SCMH1: variants seen among roughly 807,000 people sequenced by gnomAD.
SCMH1 encodes the protein polycomb protein SCMH1.
In SCMH1, 37 loss-of-function variants were observed where a neutral mutation model predicts 70.8. The ratio of observed to expected loss-of-function variants is 0.52; its 90% confidence interval spans 0.40 to 0.69. The LOEUF (loss-of-function observed/expected upper bound fraction) is 0.69, where lower values mean the gene tolerates loss of function less well. Among genes scored for constraint, SCMH1 ranks in the 30% least tolerant of loss-of-function variants. SCMH1 has a pLI of 0.00. For synonymous variants in SCMH1, 292 were observed against 307.4 expected, an observed-to-expected ratio of 0.95 and a Z score of 0.52; for missense variants, 607 against 827.3, an observed-to-expected ratio of 0.73 and a Z score of 3.27.
intron 8 of SCMH1, among the ~76,000 whole-genome samples, chr1:41,077,834 C>A (rs1658802834): frequency 6.6e-6 from 1 of 152,108 alleles, no homozygotes; most frequent in Non-Finnish European, 1.5e-5. Flanking sequence ...CTCAATAGTT[C>A]TTTTAATATA....
chr1:41,236,491 G>A (rs1405978891), intron 1 of SCMH1, among the ~76,000 whole-genome samples: 2 of 152,184 alleles, frequency 1.3e-5, no homozygotes, highest in African/African-American at 4.8e-5. Context: ...AGGGCTGGAA[G>A]AGAGTAAAAG....
chr1:41,224,038 T>G (rs1278733120), intron 1 of SCMH1, among the ~76,000 whole-genome samples: 2 of 152,144 alleles, frequency 1.3e-5, no homozygotes, highest in Admixed American at 6.5e-5. Context: ...TACACAGCAG[T>G]AATAAACGAT....
chr1:41,155,984 C>CAAAAAAAAAAAA lies in SCMH1; in HGVS notation c.107-4312_107-4301dup, dbSNP rs386366781. On this transcript the variant is annotated intron_variant, in intron 4 of 14. Transcript: ENST00000337495. ...TAGGTGACAGAGTAAGACTCCGTCT[C>CAAAAAAAAAAAA]AAAAAAAAAAAAAAAAAAAAAAAGC... Among the ~76,000 whole-genome samples, 34 of 74,622 alleles carry CAAAAAAAAAAAA rather than the reference C, an allele frequency of 4.6e-4. 1 individual carries two copies. Among genetic ancestry groups the CAAAAAAAAAAAA allele is most frequent in the African/African-American group, 2.1e-3 (34 of 16,490 alleles). 49.0% of individuals were successfully genotyped at this position (74,622 alleles called of 152,430 possible).
At position 41,152,531 on chromosome 1, in the gene SCMH1, A is replaced by G. The variant is rs183407107; in HGVS notation, c.107-847T>C. 55 of 1,521,094 alleles carry G rather than the reference A, an allele frequency of 3.6e-5. No homozygotes were observed. In the East Asian group the frequency reaches 8.1e-4, roughly 22 times the overall value. 94.2% of individuals were successfully genotyped at this position (1,521,094 alleles called of 1,614,324 possible). A position where few individuals can be genotyped will look rare whatever the true frequency, so the allele number is the denominator to read the frequency against. On this transcript the variant is annotated intron_variant, in intron 4 of 14. Coordinates refer to ENST00000337495, the Ensembl canonical transcript of SCMH1. Reference sequence around the variant, plus strand: ...GAACATTTGATACAGACCTCATTGGATCACTAAAGATTATCAAGTTCTTTA... The same window carrying G: ...GAACATTTGATACAGACCTCATTGGGTCACTAAAGATTATCAAGTTCTTTA...
At chr1:41,150,600 A>C (rs1295791839) in intron 5 of SCMH1, among the ~76,000 whole-genome samples, 1 of 152,156 alleles carries the variant, frequency 6.6e-6, no homozygotes. Context: ...TTTTATTTCA[A>C]ATGAGCAGAA....
In SCMH1 at chr1:41,113,480, A is replaced by G; in HGVS notation, c.548T>C (p.Leu183Pro). Reference sequence around the variant, plus strand: ...AGGGTTCTTCCTGTCCACAGCTTCTAGCTTCATTCCCATTTTGAAGAAGTT... The same window carrying G: ...AGGGTTCTTCCTGTCCACAGCTTCTGGCTTCATTCCCATTTTGAAGAAGTT... The change falls in exon 8 of 15, where the codon CTA becomes CCA. Residue 183 changes from leucine (L) to proline (P), a missense_variant. By Grantham distance (98) the Leu-to-Pro change is moderately conservative (BLOSUM62 -3). This residue lies in a region of SCMH1 where 105 missense variants were observed against 214.5 expected (regional missense o/e 0.49). Coordinates refer to ENST00000337495, the Ensembl canonical transcript of SCMH1. The surrounding 1 kb of genome is among the most constrained non-coding windows in gnomAD (Gnocchi z 4.3). 6.2e-7 allele frequency: 1 copy of G among 1,614,080 alleles called. No individual in the cohort carries two copies. The highest frequency in any genetic ancestry group is 2.2e-5 in the East Asian group (1 of 44,876).
chr1:41,189,296 C>T (rs111308007), intron 1 of SCMH1, among the ~76,000 whole-genome samples: 1 of 152,122 alleles, frequency 6.6e-6, no homozygotes, highest in African/African-American at 2.4e-5. Flanking sequence ...ATGAGAGGTG[C>T]CTGTCACCAA....
chr1:41,080,109 T>C (rs1316106292), intron 8 of SCMH1, among the ~76,000 whole-genome samples: 1 of 151,996 alleles, frequency 6.6e-6, no homozygotes, highest in Non-Finnish European at 1.5e-5. Context: ...TGTTTGTTTG[T>C]TCCATTATTT....
At position 41,224,953 on chromosome 1, in the gene SCMH1, A is replaced by G. The variant is rs1460724676; in HGVS notation, c.-118+17106T>C. On this transcript the variant is annotated intron_variant, in intron 1 of 14. Transcript: ENST00000337495. The stretch of plus-strand genomic sequence containing the variant: ...ATTTAGGATTAGAATATCTTGGTCA[A>G]ATGACCCTAAATCTTATACTTTTTC... Among the ~76,000 whole-genome samples the G allele has an allele frequency of 2.0e-5, 3 of 152,196 alleles. No homozygotes were observed. The East Asian group carries it at 5.8e-4, about 29-fold the overall frequency.
intron 1 of SCMH1, among the ~76,000 whole-genome samples, chr1:41,227,673 C>T (rs1397597904): frequency 4.6e-5 from 7 of 152,240 alleles, no homozygotes; most frequent in African/African-American, 1.7e-4. Context: ...TTTACCAAGA[C>T]AGTTATAGGT....
Position 41,089,713 on chromosome 1 carries a change from T to C in SCMH1, c.746-14262A>G, listed in dbSNP as rs538599137. 4.6e-4 allele frequency among the ~76,000 whole-genome samples: 70 copies of C among 151,742 alleles called. 1 individual carries two copies. The highest frequency in any genetic ancestry group is 5.0e-4 in the Non-Finnish European group (34 of 67,888). On this transcript the variant is annotated intron_variant, in intron 8 of 14. Coordinates refer to ENST00000337495, the Ensembl canonical transcript of SCMH1. ...TGCTGAACTTTGGAGCCCTATATGATCTGATTCCTCATTATTTTTCTGACC... is the reference window on the plus strand; with the variant it reads ...TGCTGAACTTTGGAGCCCTATATGACCTGATTCCTCATTATTTTTCTGACC...
intron 8 of SCMH1, among the ~76,000 whole-genome samples, chr1:41,088,471 T>C (rs1171329457): frequency 2.0e-5 from 3 of 152,238 alleles, no homozygotes; most frequent in East Asian, 3.9e-4. Context: ...AACTCAACTA[T>C]ATTTTATTTT....
At chr1:41,091,737 A>G (rs1027862590) in intron 8 of SCMH1, among the ~76,000 whole-genome samples, 77 of 152,346 alleles carry the variant, frequency 5.1e-4, no homozygotes, top group African/African-American at 1.8e-3. Context: ...ACAGACAAAC[A>G]GAGAGCCAAA....
intron 8 of SCMH1, among the ~76,000 whole-genome samples, chr1:41,088,109 A>G (rs1662285661): frequency 6.6e-6 from 1 of 152,146 alleles, no homozygotes; most frequent in African/African-American, 2.4e-5. Context: ...AGTGACTCCC[A>G]GGGTATACTG....
intron 1 of SCMH1, among the ~76,000 whole-genome samples, chr1:41,238,799 C>A (rs1662904936): frequency 1.3e-5 from 2 of 152,088 alleles, no homozygotes; most frequent in South Asian, 4.2e-4. Context: ...GACCACACCT[C>A]TTTTTTTTCT....
intron 6 of SCMH1, among the ~76,000 whole-genome samples, chr1:41,119,755 G>A (rs1671465706): frequency 6.6e-6 from 1 of 152,138 alleles, no homozygotes; most frequent in African/African-American, 2.4e-5. Flanking sequence ...ATGGGATGGA[G>A]ACACATAATA....
At chr1:41,046,297 T>G (rs1470641483) in intron 12 of SCMH1, 110 bp downstream of exon 12, 1 of 846,848 alleles carries the variant, frequency 1.2e-6, no homozygotes, top group East Asian at 2.6e-5. Flanking sequence ...AGCAGACCTC[T>G]AGATAGTAGG....
intron 11 of SCMH1, among the ~76,000 whole-genome samples, chr1:41,047,993 C>T (rs1407935949): frequency 2.0e-5 from 3 of 152,206 alleles, no homozygotes; most frequent in Admixed American, 6.5e-5. Context: ...TCCATGCCAG[C>T]GGGGTTTCCT....
intron 2 of SCMH1, among the ~76,000 whole-genome samples, chr1:41,168,110 G>A (rs61781831): frequency 0.15 from 22,694 of 150,546 alleles, 2,199 homozygotes; most frequent in Non-Finnish European, 0.22. Context: ...ATCTTTTCGG[G>A]TTCATCTTAT....
Sources: gnomAD v4.1 joint callset for allele counts (sites outside exome capture counted in the v4.1 genomes callset) on GRCh38, gnomAD v4.1.1 for gene constraint, gnomAD v4.1.1 regional missense constraint, Gnocchi (gnomAD v3.1) non-coding constraint, MANE v1.5 for transcripts, NCBI Gene and HGNC (gene_info 2026-07-23, HGNC 2026-07-21) for gene names.